Variants in APAF1 observed in about 807,000 individuals in gnomAD.
The protein encoded by APAF1 is apoptotic protease-activating factor 1.
In APAF1, 91 loss-of-function variants were observed where a neutral mutation model predicts 152.4. That is an observed-to-expected ratio of 0.60 (90% CI 0.50 to 0.71). The LOEUF (loss-of-function observed/expected upper bound fraction) is 0.71, where lower values mean the gene tolerates loss of function less well. Among genes scored for constraint, APAF1 ranks in the 30% least tolerant of loss-of-function variants. The pLI, the probability that APAF1 is intolerant of heterozygous loss-of-function variation, is 0.00. For synonymous variants in APAF1, 484 were observed against 494.1 expected, an observed-to-expected ratio of 0.98 and a Z score of 0.27; for missense variants, 1,283 against 1,472.0, an observed-to-expected ratio of 0.87 and a Z score of 2.10.
chr12:98,667,670 T>A, intron 10 of APAF1, 26 bp downstream of exon 10: 1 of 1,610,192 alleles, frequency 6.2e-7, no homozygotes, highest in Non-Finnish European at 8.5e-7. Flanking sequence ...TAAAAATTCT[T>A]TTATCTGACT....
intron 12 of APAF1, among the ~76,000 whole-genome samples, chr12:98,676,350 C>T (rs2097686484): frequency 6.6e-6 from 1 of 151,682 alleles, no homozygotes; most frequent in Non-Finnish European, 1.5e-5. Flanking sequence ...GCTAGGATTA[C>T]AGGTGTGTGC....
chr12:98,675,287 T>C (rs962516796), intron 12 of APAF1, among the ~76,000 whole-genome samples: 1 of 152,222 alleles, frequency 6.6e-6, no homozygotes, highest in African/African-American at 2.4e-5. Context: ...TTTTGGGCCA[T>C]CTACTATATA....
At chr12:98,657,284 A>C (rs1047015886) in intron 4 of APAF1, among the ~76,000 whole-genome samples, 1 of 152,238 alleles carries the variant, frequency 6.6e-6, no homozygotes, top group East Asian at 1.9e-4. Context: ...CCTAGACTTC[A>C]GCCATCATTG....
chr12:98,717,085 G>C (rs777043106), intron 22 of APAF1, among the ~76,000 whole-genome samples: 44 of 151,840 alleles, frequency 2.9e-4, no homozygotes, highest in Admixed American at 7.9e-4. Context: ...GGCCAGGCTG[G>C]TCTTGAACTC....
intron 16 of APAF1, among the ~76,000 whole-genome samples, chr12:98,689,578 A>G (rs570037661): frequency 8.6e-5 from 13 of 152,028 alleles, no homozygotes; most frequent in Admixed American, 2.6e-4. Context: ...TCCTGCCTCA[A>G]CCGCCTGAGT....
chr12:98,681,934 T>A (rs546482373), intron 14 of APAF1, among the ~76,000 whole-genome samples: 10 of 152,302 alleles, frequency 6.6e-5, no homozygotes, highest in African/African-American at 2.2e-4. Context: ...TTAGTACCTC[T>A]AAAAAGTCAA....
At chr12:98,678,405 A>G (rs1351022305) in intron 13 of APAF1, among the ~76,000 whole-genome samples, 1 of 152,068 alleles carries the variant, frequency 6.6e-6, no homozygotes, top group Non-Finnish European at 1.5e-5. Flanking sequence ...ACAAGCAGGA[A>G]CCCTACCCCT....
chr12:98,705,379 A>AT (rs1385409255), intron 18 of APAF1, among the ~76,000 whole-genome samples: 1 of 152,062 alleles, frequency 6.6e-6, no homozygotes, highest in Non-Finnish European at 1.5e-5. Context: ...CTTAGGAGAG[A>AT]TTTTCAGTTG....
intron 24 of APAF1, 23 bp from the exon 25 acceptor site, chr12:98,725,392 A>T (rs751017701): frequency 4.3e-6 from 7 of 1,613,750 alleles, no homozygotes; most frequent in Non-Finnish European, 5.9e-6. Flanking sequence ...TAGCATTGCT[A>T]AACAATCCTA....
At chr12:98,705,809 C>A (rs575626989) in intron 18 of APAF1, among the ~76,000 whole-genome samples, 4 of 152,308 alleles carry the variant, frequency 2.6e-5, no homozygotes, top group Non-Finnish European at 5.9e-5. Context: ...GGAAAATAAT[C>A]TGAATATGGA....
Position 98,683,127 on chromosome 12 carries a change from T to C in APAF1, c.2047-16T>C, listed in dbSNP as rs755633684. On this transcript the variant is annotated splice_polypyrimidine_tract_variant and intron_variant, in intron 14 of 26. Coordinates refer to ENST00000551964, the MANE Select transcript of APAF1 (RefSeq NM_181861.2). The stretch of plus-strand genomic sequence containing the variant: ...AAATAATGGATATTTGTAAATTTTT[T>C]CTCTTTTCTCTTTAGATTTGGAATT... 1.2e-6 allele frequency: 2 copies of C among 1,607,044 alleles called. No individual in the cohort carries two copies. The highest frequency in any genetic ancestry group is 1.7e-6 in the Non-Finnish European group (2 of 1,174,994).
chr12:98,653,678 AAAAAAAAAAAAAAATATATATATATAT>A, intron 4 of APAF1, among the ~76,000 whole-genome samples: 1 of 67,068 alleles, frequency 1.5e-5, no homozygotes, highest in Non-Finnish European at 3.1e-5. Flanking sequence ...AAAAAAAAAA[AAAAAAAAAAAAAAATATATATATATAT>A]ATATATATAT....
intron 22 of APAF1, 145 bp from the exon 23 acceptor site, chr12:98,723,048 A>G (rs1468457638): frequency 6.4e-6 from 5 of 785,970 alleles, no homozygotes; most frequent in South Asian, 1.6e-5. Flanking sequence ...TGTGGACACC[A>G]CAGTCTTCTC....
At chr12:98,689,401 G>A (rs377151147) in intron 16 of APAF1, among the ~76,000 whole-genome samples, 6 of 151,898 alleles carry the variant, frequency 4.0e-5, no homozygotes, top group African/African-American at 7.2e-5. Context: ...TTTAATGCCC[G>A]TCAAAACTTT....
chr12:98,670,549 G>A (rs1426151739), intron 10 of APAF1, among the ~76,000 whole-genome samples: 1 of 151,662 alleles, frequency 6.6e-6, no homozygotes, highest in African/African-American at 2.4e-5. Context: ...AACTTCTTTG[G>A]TCTTGAGTTT....
rs575244568 is a variant in APAF1, at chr12:98,728,855, G to A, written c.3600+1539G>A. 7.9e-5 allele frequency among the ~76,000 whole-genome samples: 12 copies of A among 152,314 alleles called. No individual in the cohort carries two copies. The South Asian group carries it at 1.9e-3, about 24-fold the overall frequency. ...TTAAAACTTACTAGTGATTGAGGCC[G>A]CAATTTGAATGTGTTGTGGTGCTTC... is the stretch of plus-strand genomic sequence containing the variant. On this transcript the variant is annotated intron_variant, in intron 26 of 26. Transcript: ENST00000551964.
intron 10 of APAF1, among the ~76,000 whole-genome samples, chr12:98,670,622 T>A (rs1422340621): frequency 1.3e-5 from 2 of 152,050 alleles, no homozygotes; most frequent in Non-Finnish European, 2.9e-5. Context: ...TACACTTTTA[T>A]ATAGTTAAGT....
At chr12:98,679,864 C>G (rs1014012673) in intron 13 of APAF1, among the ~76,000 whole-genome samples, 1 of 152,284 alleles carries the variant, frequency 6.6e-6, no homozygotes, top group Non-Finnish European at 1.5e-5. Flanking sequence ...CGCTCACTCA[C>G]ACACGCCTCG....
intron 26 of APAF1, among the ~76,000 whole-genome samples, chr12:98,729,652 A>C (rs1336323949): frequency 6.6e-6 from 1 of 152,242 alleles, no homozygotes; most frequent in South Asian, 2.1e-4. Context: ...ATTCCTAATA[A>C]GATCTTATGA....
Sources: allele counts gnomAD v4.1 joint callset (sites outside exome capture counted in the v4.1 genomes callset), GRCh38; gene constraint gnomAD v4.1.1; transcripts MANE v1.5; gene names NCBI Gene and HGNC (gene_info 2026-07-23, HGNC 2026-07-21).